The following COMMD1 variants were observed in gnomAD, a reference collection of about 807,000 sequenced individuals.
The protein encoded by COMMD1 is copper metabolism domain containing 1.
In COMMD1, 10 loss-of-function variants were observed where a neutral mutation model predicts 17.2. The observed-to-expected ratio is 0.58, with a 90% CI of 0.36 to 0.99. The LOEUF (loss-of-function observed/expected upper bound fraction) is 0.99. Among genes scored for constraint, COMMD1 ranks in the 50% least tolerant of loss-of-function variants. The pLI, the probability that COMMD1 is intolerant of heterozygous loss-of-function variation, is 0.01. For synonymous variants in COMMD1, 97 were observed against 91.6 expected, an observed-to-expected ratio of 1.06 and a Z score of -0.34; for missense variants, 270 against 231.8, an observed-to-expected ratio of 1.17 and a Z score of -1.07.
chr2:61,892,636 G>A lies in COMMD1; in HGVS notation n.119+3794G>A, dbSNP rs572629683. ...TTGAACCTGGGAGGTGGAGGTTGCG[G>A]TGAGCCGAGATCGTGCCATTTCACT... On this transcript the variant is annotated intron_variant and non_coding_transcript_variant, in intron 1 of 2. Transcript: ENST00000472729. Among the ~76,000 whole-genome samples, 85 of 149,162 alleles carry A rather than the reference G, an allele frequency of 5.7e-4. 1 individual carries two copies. Among genetic ancestry groups the A allele is most frequent in the African/African-American group, 2.2e-3 (84 of 39,030 alleles).
chr2:62,130,491 C>T (rs1279041431), intron 2 of COMMD1, among the ~76,000 whole-genome samples: 1 of 152,108 alleles, frequency 6.6e-6, no homozygotes, highest in Non-Finnish European at 1.5e-5. Flanking sequence ...CACTCTCACC[C>T]TCCATCCCCC....
rs561610729 is a variant in COMMD1, at chr2:62,039,933, T to C, written c.462+38951T>C. On this transcript the variant is annotated intron_variant, in intron 2 of 2. Coordinates refer to ENST00000311832, the MANE Select transcript of COMMD1 (RefSeq NM_152516.4). ...AAAATTTATATAGCTAGCAATCCCT[T>C]TGATAATCATACCAATAGCCATTTG... is the stretch of plus-strand genomic sequence containing the variant. 2.0e-5 allele frequency among the ~76,000 whole-genome samples: 3 copies of C among 152,328 alleles called. No individual in the cohort carries two copies. In the East Asian group the frequency reaches 5.8e-4, roughly 29 times the overall value.
chr2:62,041,071 T>A (rs181669291), intron 2 of COMMD1, among the ~76,000 whole-genome samples: 48 of 152,280 alleles, frequency 3.2e-4, no homozygotes, highest in Admixed American at 5.9e-4. Flanking sequence ...CCCCAGAACA[T>A]TACGAGGATC....
At chr2:61,963,301 C>T (rs981366464) in intron 1 of COMMD1, among the ~76,000 whole-genome samples, 4 of 151,298 alleles carry the variant, frequency 2.6e-5, no homozygotes, top group Non-Finnish European at 4.4e-5. Flanking sequence ...GTTGTTCCAC[C>T]AAATTATTGA....
intron 2 of COMMD1, among the ~76,000 whole-genome samples, chr2:62,098,738 G>T (rs1433217594): frequency 2.6e-5 from 4 of 152,154 alleles, no homozygotes; most frequent in African/African-American, 9.7e-5. Context: ...TCACAGAGGC[G>T]ATTGCAGAGC....
chr2:62,019,247 C>G (rs1669546808), intron 2 of COMMD1, among the ~76,000 whole-genome samples: 1 of 151,650 alleles, frequency 6.6e-6, no homozygotes, highest in South Asian at 2.1e-4. Context: ...GATCTCAGCT[C>G]ACTACAACCT....
intron 1 of COMMD1, among the ~76,000 whole-genome samples, chr2:61,910,255 C>T (rs1669870079): frequency 6.6e-6 from 1 of 151,558 alleles, no homozygotes; most frequent in Non-Finnish European, 1.5e-5. Context: ...AACACTGCCC[C>T]CCCCTTTTTT....
chr2:61,915,548 G>A (rs1254499633), intron 1 of COMMD1: 2 of 265,946 alleles, frequency 7.5e-6, no homozygotes, highest in South Asian at 3.5e-5. Flanking sequence ...GAGTGCAGTG[G>A]CATGATCATG....
chr2:62,120,517 GTGAAATTT>G (rs1301422940), intron 2 of COMMD1, among the ~76,000 whole-genome samples: 1 of 151,962 alleles, frequency 6.6e-6, no homozygotes, highest in Non-Finnish European at 1.5e-5. Flanking sequence ...TGAGATTTAA[GTGAAATTT>G]ATTTCTCCTT....
At chr2:62,104,652 A>AAACAAT (rs1208408480) in intron 2 of COMMD1, among the ~76,000 whole-genome samples, 1 of 151,428 alleles carries the variant, frequency 6.6e-6, no homozygotes, top group African/African-American at 2.4e-5. Flanking sequence ...AAAAAAAAAA[A>AAACAAT]AACAATAACA....
intron 1 of COMMD1, among the ~76,000 whole-genome samples, chr2:61,983,679 T>A (rs1250521038): frequency 6.6e-6 from 1 of 152,186 alleles, no homozygotes; most frequent in African/African-American, 2.4e-5. Context: ...GCGGTATCAG[T>A]TGTAATGTTT....
At chr2:62,058,973 T>C (rs927588103) in intron 2 of COMMD1, among the ~76,000 whole-genome samples, 1 of 151,446 alleles carries the variant, frequency 6.6e-6, no homozygotes, top group African/African-American at 2.4e-5. Context: ...AGAGACGGGG[T>C]TTCTCCATGT....
intron 2 of COMMD1, among the ~76,000 whole-genome samples, chr2:62,079,392 T>G (rs1671452737): frequency 6.6e-6 from 1 of 152,198 alleles, no homozygotes; most frequent in African/African-American, 2.4e-5. Flanking sequence ...ATTATTATCT[T>G]TAAAGCAAAA....
intron 2 of COMMD1, among the ~76,000 whole-genome samples, chr2:62,116,730 A>G (rs1672617212): frequency 6.7e-6 from 1 of 150,088 alleles, no homozygotes; most frequent in Non-Finnish European, 1.5e-5. Flanking sequence ...TCATGCCTGT[A>G]AATCCCAGCA....
chr2:62,128,041 G>A (rs2104092453), intron 2 of COMMD1, among the ~76,000 whole-genome samples: 1 of 139,884 alleles, frequency 7.1e-6, no homozygotes, highest in South Asian at 2.2e-4. Flanking sequence ...AAAAAAAAAG[G>A]ATGAGGTTGG....
intron 2 of COMMD1, among the ~76,000 whole-genome samples, chr2:62,121,745 A>T (rs1295044485): frequency 6.6e-6 from 1 of 152,012 alleles, no homozygotes; most frequent in Admixed American, 6.5e-5. Flanking sequence ...TCTCAAAAAA[A>T]AAAAAAAAGA....
intron 1 of COMMD1, among the ~76,000 whole-genome samples, chr2:61,965,785 C>T (rs756352068): frequency 1.3e-5 from 2 of 152,178 alleles, no homozygotes; most frequent in Non-Finnish European, 2.9e-5. Context: ...GAGATTCTCC[C>T]TCAGTTGCCT....
chr2:61,965,281 A>C (rs1258303153), intron 1 of COMMD1, among the ~76,000 whole-genome samples: 1 of 152,240 alleles, frequency 6.6e-6, no homozygotes, highest in Non-Finnish European at 1.5e-5. Context: ...ATAAAATTTT[A>C]TGTAAAATTT....
At chr2:62,120,871 T>C (rs1412696727) in intron 2 of COMMD1, among the ~76,000 whole-genome samples, 1 of 152,100 alleles carries the variant, frequency 6.6e-6, no homozygotes, top group Non-Finnish European at 1.5e-5. Context: ...TACAGGCATG[T>C]GCCACCATAT....
Sources: allele counts gnomAD v4.1 joint callset (sites outside exome capture counted in the v4.1 genomes callset), GRCh38; gene constraint gnomAD v4.1.1; transcripts MANE v1.5; gene names NCBI Gene and HGNC (gene_info 2026-07-23, HGNC 2026-07-21).